Variants in USH2A observed in about 807,000 individuals in gnomAD.
USH2A encodes usherin.
In USH2A, 443 loss-of-function variants were observed where a neutral mutation model predicts 538.9. The observed-to-expected ratio is 0.82, with a 90% CI of 0.76 to 0.89. USH2A has a LOEUF of 0.89. Ranked by LOEUF, USH2A falls within the 40% of genes least tolerant of loss-of-function variation. The probability of loss-of-function intolerance (pLI) is 0.00; values close to 1 mark genes in which losing one functional copy is unlikely to be tolerated. For missense variants in USH2A, 6,633 were observed against 6,324.8 expected (o/e 1.05, Z -1.65); for synonymous variants, 2,413 against 2,273.5 (o/e 1.06, Z -1.75).
intron 58 of USH2A, among the ~76,000 whole-genome samples, chr1:215,747,882 G>GTTTT (rs1325260599): frequency 0.046 from 5,964 of 128,790 alleles, 446 homozygotes; most frequent in East Asian, 0.27. Context: ...TTGTTTGTTT[G>GTTTT]TTTGTTTGGT....
chr1:215,625,365 C>A lies in USH2A; in HGVS notation c.*416G>T. 4.1e-6 allele frequency: 1 copy of A among 244,612 alleles called. No individual in the cohort carries two copies. Among genetic ancestry groups the A allele is most frequent in the South Asian group, 5.3e-5 (1 of 18,818 alleles). 15.2% of individuals were successfully genotyped at this position (244,612 alleles called of 1,614,324 possible). A position where few individuals can be genotyped will look rare whatever the true frequency, so the allele number is the denominator to read the frequency against. ...ATTGTGTCAACCCTGACAGAAATGG[C>A]AGATAGAAATGAACAGCAGTGACAT... On this transcript the variant is annotated 3_prime_UTR_variant, in exon 72 of 72. Coordinates refer to ENST00000307340, the MANE Select transcript of USH2A (RefSeq NM_206933.4).
In USH2A at chr1:215,674,136, T is replaced by C. The variant is rs201864716; in HGVS notation, c.13775A>G (p.Gln4592Arg). 53 of 1,614,164 alleles carry C rather than the reference T, an allele frequency of 3.3e-5. No homozygotes were observed. The Admixed American group carries it at 8.5e-4, about 26-fold the overall frequency. The change falls in exon 63 of 72, where the codon CAG becomes CGG. Residue 4592 changes from glutamine to arginine, a missense_variant. By Grantham distance (43) the Gln-to-Arg change is conservative (BLOSUM62 1). Coordinates refer to ENST00000307340, the MANE Select transcript of USH2A (RefSeq NM_206933.4). Reference sequence around the variant, plus strand: ...CTTCAGCTGGTTTACTATATATGACTGCATACCAAAAGAATTATGAGTTGT... The same window carrying C: ...CTTCAGCTGGTTTACTATATATGACCGCATACCAAAAGAATTATGAGTTGT... ...INTTHNSFGM[Q>R]SYIVNQLKPF...
At position 215,782,070 on chromosome 1, in the gene USH2A, G is replaced by A. The variant is rs202175091; in HGVS notation, c.10712C>T (p.Thr3571Met). 15 of 1,613,836 alleles carry A rather than the reference G, an allele frequency of 9.3e-6. No individual in the cohort carries two copies. The highest frequency in any genetic ancestry group is 2.2e-5 in the East Asian group (1 of 44,886). The part of the protein sequence containing the change: ...QEYSYQLKAC[T>M]VAGCATSSKV... ...GCTACTGGTGGCACAGCCAGCAACC[G>A]TGCAAGCTTTCAGCTGATATGAATA... Residue 3571 changes from threonine to methionine, a missense_variant, in exon 54 of 72, where the codon ACG (threonine) becomes ATG (methionine). Coordinates refer to ENST00000307340, the MANE Select transcript of USH2A (RefSeq NM_206933.4).
At chr1:216,270,305 A>G (rs2102579856) in intron 11 of USH2A, among the ~76,000 whole-genome samples, 1 of 152,276 alleles carries the variant, frequency 6.6e-6, no homozygotes, top group South Asian at 2.1e-4. Context: ...ATGTAAGAAC[A>G]GGAAATCTGT....
intron 37 of USH2A, among the ~76,000 whole-genome samples, chr1:215,943,165 A>C (rs1666677145): frequency 6.6e-6 from 1 of 152,214 alleles, no homozygotes; most frequent in Admixed American, 6.5e-5. Context: ...GATGAAGTTG[A>C]AGAAAAAAAT....
chr1:216,089,839 G>A (rs1455881504), intron 22 of USH2A, among the ~76,000 whole-genome samples: 1 of 151,524 alleles, frequency 6.6e-6, no homozygotes, highest in Non-Finnish European at 1.5e-5. Flanking sequence ...CTGAGAAAGA[G>A]AAATAGAAGA....
At chr1:216,397,013 T>C (rs2039223956) in intron 3 of USH2A, among the ~76,000 whole-genome samples, 2 of 152,192 alleles carry the variant, frequency 1.3e-5, no homozygotes, top group South Asian at 4.1e-4. Flanking sequence ...TTGTATCAAA[T>C]CTATATTCCT....
chr1:216,153,372 C>T (rs2033877511), intron 21 of USH2A, among the ~76,000 whole-genome samples: 1 of 152,162 alleles, frequency 6.6e-6, no homozygotes, highest in Admixed American at 6.5e-5. Flanking sequence ...CACACCTGCC[C>T]ATCTGCATGC....
rs778186770 is a variant in USH2A, at chr1:216,078,376, T to TA, written c.5299-15dup. On this transcript the variant is annotated splice_polypyrimidine_tract_variant and intron_variant, in intron 26 of 71. Transcript: ENST00000307340. ...TTTCAGCTCCATCTGTATTTTATAT[T>TA]AAAAAAGAAAGTAGGTATATAAAAA... is the stretch of plus-strand genomic sequence containing the variant. 11 of 1,611,788 alleles carry TA rather than the reference T, an allele frequency of 6.8e-6. No individual in the cohort carries two copies. The Admixed American group carries it at 1.5e-4, about 22-fold the overall frequency.
chr1:215,631,280 C>T (rs1157855656), intron 70 of USH2A, among the ~76,000 whole-genome samples: 3 of 151,262 alleles, frequency 2.0e-5, no homozygotes, highest in African/African-American at 4.9e-5. Context: ...GCTCATTGAC[C>T]TACTCAAGTG....
At chr1:215,799,471 A>T (rs529555769) in intron 49 of USH2A, among the ~76,000 whole-genome samples, 1 of 152,312 alleles carries the variant, frequency 6.6e-6, no homozygotes, top group African/African-American at 2.4e-5. Flanking sequence ...GGATTCAAAA[A>T]CCAACTATTG....
chr1:216,352,429 C>T (rs1275806040), intron 4 of USH2A, among the ~76,000 whole-genome samples: 1 of 152,100 alleles, frequency 6.6e-6, no homozygotes, highest in African/African-American at 2.4e-5. Context: ...TTGAAATTAA[C>T]TATTAGATTT....
At position 215,779,878 on chromosome 1, in the gene USH2A, G is replaced by A. The variant is rs727505166; in HGVS notation, c.10904C>T (p.Thr3635Ile). ...ATGCTGTCTCCTGTCAGTGGTGTCA[G>A]TGTGGATGAGACCTTTCCCAACCTG... The part of the protein sequence containing the change: ...IRQVGKGLIH[T>I]DTTDRRQHTV... The change falls in exon 55 of 72, where the codon ACT (threonine) becomes ATT (isoleucine). Residue 3635 changes from threonine to isoleucine, a missense_variant. Transcript: ENST00000307340. 8 of 1,614,014 alleles carry A rather than the reference G, an allele frequency of 5.0e-6. No homozygotes were observed. Among genetic ancestry groups the A allele is most frequent in the South Asian group, 1.1e-5 (1 of 91,084 alleles).
intron 9 of USH2A, among the ~76,000 whole-genome samples, chr1:216,303,630 G>T (rs1469650740): frequency 6.6e-6 from 1 of 151,802 alleles, no homozygotes; most frequent in African/African-American, 2.4e-5. Context: ...TTTTCTTTAA[G>T]ATTTAAAATG....
At chr1:215,675,693 C>T (rs1472860246) in intron 62 of USH2A, 77 bp from the exon 63 acceptor site, 2 of 1,608,298 alleles carry the variant, frequency 1.2e-6, no homozygotes, top group Non-Finnish European at 1.7e-6. Context: ...CCTTTTTAAC[C>T]TTCACCCCCT....
intron 44 of USH2A, among the ~76,000 whole-genome samples, chr1:215,856,640 A>C (rs1200877579): frequency 6.6e-6 from 1 of 152,188 alleles, no homozygotes; most frequent in Non-Finnish European, 1.5e-5. Context: ...TAGTGTGGAG[A>C]TTCCTTAAAG....
rs114719960 is a variant in USH2A, at chr1:215,782,805, C to T, written c.10518G>A (p.Thr3506=). 466 of 1,613,962 alleles carry T rather than the reference C, an allele frequency of 2.9e-4. 1 individual carries two copies. The African/African-American group carries it at 4.8e-3, about 17-fold the overall frequency. Residue 3506 remains threonine (T), a synonymous_variant, in exon 53 of 72, where the codon ACG becomes ACA. Coordinates refer to ENST00000307340, the MANE Select transcript of USH2A (RefSeq NM_206933.4). The part of the protein sequence containing the change: ...EDVPQGVSPP[T]WTKIDNLEDT... ...CTTCAAGATTGTCTATTTTGGTCCACGTAGGGGGACTCACTCCTTGAGGCA... is the reference window on the plus strand; with the variant it reads ...CTTCAAGATTGTCTATTTTGGTCCATGTAGGGGGACTCACTCCTTGAGGCA...
chr1:216,064,840 A>G (rs1434812946), intron 30 of USH2A, among the ~76,000 whole-genome samples: 1 of 152,218 alleles, frequency 6.6e-6, no homozygotes, highest in East Asian at 1.9e-4. Flanking sequence ...TTATGTAAGC[A>G]CATTGCAAGG....
chr1:215,818,823 A>C (rs890988909), intron 47 of USH2A, among the ~76,000 whole-genome samples: 3 of 151,832 alleles, frequency 2.0e-5, no homozygotes, highest in African/African-American at 7.2e-5. Context: ...TGCTATCTTT[A>C]GTATTTGCTT....
Sources: gnomAD v4.1 joint callset for allele counts (sites outside exome capture counted in the v4.1 genomes callset) on GRCh38, gnomAD v4.1.1 for gene constraint, MANE v1.5 for transcripts, NCBI Gene and HGNC (gene_info 2026-07-23, HGNC 2026-07-21) for gene names.